The following ZBTB44 variants were observed in gnomAD, a reference collection of about 807,000 sequenced individuals.
ZBTB44 encodes the protein zinc finger and BTB domain containing 44.
A neutral mutation model predicts 54.0 loss-of-function variants in ZBTB44; 15 were observed. That is an observed-to-expected ratio of 0.28 (90% CI 0.19 to 0.43). ZBTB44 has a LOEUF of 0.43. Ranked by LOEUF, ZBTB44 falls within the 20% of genes least tolerant of loss-of-function variation. The pLI, the probability that ZBTB44 is intolerant of heterozygous loss-of-function variation, is 1.00. For missense variants in ZBTB44, 487 were observed against 707.1 expected, an observed-to-expected ratio of 0.69 and a Z score of 3.53; for synonymous variants, 230 against 250.1, an observed-to-expected ratio of 0.92 and a Z score of 0.76.
intron 2 of ZBTB44, among the ~76,000 whole-genome samples, chr11:130,247,780 T>C (rs1017051474): frequency 6.6e-6 from 1 of 152,194 alleles, no homozygotes; most frequent in Non-Finnish European, 1.5e-5. Context: ...CCCACTGATA[T>C]AAAATATCCA....
At chr11:130,287,305 A>G (rs1167443859) in intron 1 of ZBTB44, among the ~76,000 whole-genome samples, 1 of 152,182 alleles carries the variant, frequency 6.6e-6, no homozygotes, top group Non-Finnish European at 1.5e-5. Flanking sequence ...CTCCCCACTT[A>G]TAAATGTTTA....
At chr11:130,275,195 C>T (rs554779145) in intron 1 of ZBTB44, among the ~76,000 whole-genome samples, 60 of 152,070 alleles carry the variant, frequency 3.9e-4, no homozygotes, top group South Asian at 3.3e-3. Flanking sequence ...GGTGGAGGGG[C>T]GAGGTCATTC....
At chr11:130,297,804 G>A (rs905197993) in intron 1 of ZBTB44, among the ~76,000 whole-genome samples, 2 of 152,158 alleles carry the variant, frequency 1.3e-5, no homozygotes, top group African/African-American at 2.4e-5. Flanking sequence ...CACCTACTTC[G>A]TCATAGTTTG....
intron 1 of ZBTB44, among the ~76,000 whole-genome samples, chr11:130,313,914 G>A (rs1434950530): frequency 3.0e-5 from 4 of 135,232 alleles, no homozygotes; most frequent in African/African-American, 1.1e-4. Flanking sequence ...AGAGGTGTGT[G>A]TGTGTGTGTA....
chr11:130,240,559 C>A (rs185010813), intron 2 of ZBTB44, among the ~76,000 whole-genome samples: 16 of 152,268 alleles, frequency 1.1e-4, no homozygotes, highest in African/African-American at 3.6e-4. Flanking sequence ...TGAAGACATA[C>A]AACTTGTTGC....
intron 1 of ZBTB44, among the ~76,000 whole-genome samples, chr11:130,263,123 C>A (rs1939000027): frequency 6.6e-6 from 1 of 152,184 alleles, no homozygotes; most frequent in Admixed American, 6.5e-5. Flanking sequence ...TGAGACTGTT[C>A]CATGTCAGAC....
intron 2 of ZBTB44, among the ~76,000 whole-genome samples, chr11:130,254,165 C>T (rs1338291271): frequency 4.6e-5 from 7 of 152,108 alleles, no homozygotes; most frequent in Admixed American, 4.6e-4. Context: ...TGGGCAAGGA[C>T]TTCATCTCTA....
chr11:130,236,959 CGAAG>C lies in ZBTB44; in HGVS notation c.1398_1401del (p.Phe467GlyfsTer7). 1 of 1,613,114 alleles carries C rather than the reference CGAAG, an allele frequency of 6.2e-7. No individual in the cohort carries two copies. The highest frequency in any genetic ancestry group is 8.5e-7 in the Non-Finnish European group (1 of 1,179,536). The stretch of plus-strand genomic sequence containing the variant: ...ACCCTCATGTGGTGTTTATATTCCC[CGAAG>C]GAAGTGAAAGTGGCACTACATATCT... On this transcript the variant is annotated frameshift_variant, in exon 5 of 8. Coordinates refer to ENST00000357899, the MANE Select transcript of ZBTB44 (RefSeq NM_001301098.2). LOFTEE classifies it high-confidence loss of function.
intron 1 of ZBTB44, among the ~76,000 whole-genome samples, chr11:130,275,162 T>C (rs1228138347): frequency 2.0e-5 from 3 of 152,178 alleles, no homozygotes; most frequent in Admixed American, 1.3e-4. Context: ...TTAAGTAGGT[T>C]TGCTCTTTTT....
At chr11:130,239,368 T>C (rs1954253059) in intron 3 of ZBTB44, 1 of 156,184 alleles carries the variant, frequency 6.4e-6, no homozygotes, top group South Asian at 1.9e-4. Flanking sequence ...GTTATGGGTA[T>C]ACAGATCAGA....
At chr11:130,282,716 T>C (rs1040376282) in intron 1 of ZBTB44, among the ~76,000 whole-genome samples, 1 of 152,214 alleles carries the variant, frequency 6.6e-6, no homozygotes, top group Non-Finnish European at 1.5e-5. Flanking sequence ...GTATTTTGAG[T>C]AAGAGTGGCT....
intron 1 of ZBTB44, among the ~76,000 whole-genome samples, chr11:130,284,831 A>C (rs900750899): frequency 6.6e-6 from 1 of 151,504 alleles, no homozygotes. Context: ...ATGCCACTAC[A>C]CTCCACAGCC....
At chr11:130,263,984 A>T (rs1255603089) in intron 1 of ZBTB44, among the ~76,000 whole-genome samples, 1 of 152,204 alleles carries the variant, frequency 6.6e-6, no homozygotes, top group Non-Finnish European at 1.5e-5. Flanking sequence ...ATCTCCCAAC[A>T]GTATATAAAG....
chr11:130,246,910 C>G (rs765521), intron 2 of ZBTB44, among the ~76,000 whole-genome samples: 6,220 of 152,218 alleles, frequency 0.041, 316 homozygotes, highest in African/African-American at 0.12. Flanking sequence ...TTTGTGCAAT[C>G]ACAAACATAC....
At chr11:130,269,908 T>TA (rs1939547087) in intron 1 of ZBTB44, among the ~76,000 whole-genome samples, 1 of 152,218 alleles carries the variant, frequency 6.6e-6, no homozygotes, top group Non-Finnish European at 1.5e-5. Flanking sequence ...AGCTATTTAT[T>TA]CACACTAGAA....
chr11:130,236,750 T>G (rs1390258901), intron 5 of ZBTB44, 43 bp downstream of exon 5: 5 of 1,332,990 alleles, frequency 3.8e-6, no homozygotes, highest in African/African-American at 3.0e-5. Context: ...AAAGAGAGTT[T>G]AGAAAGCAGT....
At chr11:130,280,050 C>A (rs1940394149) in intron 1 of ZBTB44, among the ~76,000 whole-genome samples, 1 of 152,164 alleles carries the variant, frequency 6.6e-6, no homozygotes, top group African/African-American at 2.4e-5. Flanking sequence ...CTAGGCTTGA[C>A]TCAATCATTG....
At chr11:130,280,813 A>G (rs1485598862) in intron 1 of ZBTB44, among the ~76,000 whole-genome samples, 3 of 152,204 alleles carry the variant, frequency 2.0e-5, no homozygotes, top group Non-Finnish European at 4.4e-5. Context: ...GTCTCTCAAT[A>G]AGAAGTTTTG....
intron 2 of ZBTB44, among the ~76,000 whole-genome samples, chr11:130,248,213 C>T (rs1031505053): frequency 6.6e-6 from 1 of 152,220 alleles, no homozygotes; most frequent in African/African-American, 2.4e-5. Context: ...TCTTCCTTTT[C>T]TCCCTCTCAA....
Sources: gnomAD v4.1 joint callset for allele counts (sites outside exome capture counted in the v4.1 genomes callset) on GRCh38, gnomAD v4.1.1 for gene constraint, MANE v1.5 for transcripts, NCBI Gene and HGNC (gene_info 2026-07-23, HGNC 2026-07-21) for gene names.